The following DNAI7 variants were observed in gnomAD, a reference collection of about 807,000 sequenced individuals.
DNAI7 encodes the protein dynein axonemal intermediate chain 7.
Under a neutral mutation model 86.6 loss-of-function variants are expected in DNAI7, and 78 were observed. That is an observed-to-expected ratio of 0.90 (90% confidence interval 0.75 to 1.09). DNAI7 has a LOEUF of 1.09. Among genes scored for constraint, DNAI7 ranks in the 50% least tolerant of loss-of-function variants. The pLI is 0.00. For synonymous variants in DNAI7, 274 were observed against 273.0 expected, an observed-to-expected ratio of 1.00 and a Z score of -0.04; for missense variants, 753 against 810.2, an observed-to-expected ratio of 0.93 and a Z score of 0.86.
At chr12:25,149,079 G>A (rs964508678) in intron 7 of DNAI7, among the ~76,000 whole-genome samples, 2 of 151,940 alleles carry the variant, frequency 1.3e-5, no homozygotes, top group African/African-American at 4.8e-5. Context: ...CTGACATCCT[G>A]GACTCAAGCG....
Position 25,171,489 on chromosome 12 carries a change from C to T in DNAI7, c.22-10292G>A, listed in dbSNP as rs138996632. 6.2e-3 allele frequency among the ~76,000 whole-genome samples: 940 copies of T among 151,616 alleles called. 10 individuals carry two copies. The highest frequency in any genetic ancestry group is 0.021 in the African/African-American group (879 of 41,336). ...ATTGAAATGGTAATTTAAAAATTAC[C>T]AGAAAAAAAAGTCCAGGACCACACA... is the stretch of plus-strand genomic sequence containing the variant. On this transcript the variant is annotated intron_variant, in intron 2 of 15. Coordinates refer to ENST00000395987, the MANE Select transcript of DNAI7 (RefSeq NM_018272.5).
intron 3 of DNAI7, 163 bp downstream of exon 3, chr12:25,160,949 TA>T: frequency 1.9e-6 from 1 of 538,488 alleles, no homozygotes; most frequent in East Asian, 3.1e-5. Flanking sequence ...GACTGGCATG[TA>T]CTAACATCTT....
chr12:25,169,590 G>A (rs984736061), intron 2 of DNAI7, among the ~76,000 whole-genome samples: 1 of 152,210 alleles, frequency 6.6e-6, no homozygotes, highest in Non-Finnish European at 1.5e-5. Flanking sequence ...GCTCATTCCT[G>A]TAATCCCAGC....
chr12:25,169,999 C>CAA (rs1253280163), intron 2 of DNAI7, among the ~76,000 whole-genome samples: 1 of 152,004 alleles, frequency 6.6e-6, no homozygotes, highest in Non-Finnish European at 1.5e-5. Context: ...AAATGGATAC[C>CAA]AAAAGCGAGC....
chr12:25,120,683 C>T (rs2140452879), intron 11 of DNAI7, among the ~76,000 whole-genome samples: 1 of 152,224 alleles, frequency 6.6e-6, no homozygotes, highest in Non-Finnish European at 1.5e-5. Flanking sequence ...CAAGACAGCG[C>T]CACTGCACTC....
rs10557708 is a variant in DNAI7 at position 25,130,536 on chromosome 12, CAAAATAAAATAAAATAAAAT to C, written c.1003-7270_1003-7251del. ...TGGGCGAAAGAGCGAGACTCCCTCT[CAAAATAAAATAAAATAAAAT>C]AAAATAAAATAAAATAAAATAAAAT... is the stretch of plus-strand genomic sequence containing the variant. On this transcript the variant is annotated intron_variant, in intron 9 of 15. Coordinates refer to ENST00000395987, the MANE Select transcript of DNAI7 (RefSeq NM_018272.5). 1.1e-3 allele frequency among the ~76,000 whole-genome samples: 157 copies of C among 146,608 alleles called. 1 individual carries two copies. The highest frequency in any genetic ancestry group is 2.8e-3 in the African/African-American group (107 of 38,182).
chr12:25,182,476 G>A (rs555107052), intron 2 of DNAI7, among the ~76,000 whole-genome samples: 1 of 152,090 alleles, frequency 6.6e-6, no homozygotes, highest in South Asian at 2.1e-4. Context: ...GTAGGGTGTG[G>A]TAGCACACAC....
chr12:25,134,898 T>C (rs1043760343), intron 9 of DNAI7, among the ~76,000 whole-genome samples: 4 of 152,182 alleles, frequency 2.6e-5, no homozygotes, highest in Non-Finnish European at 5.9e-5. Flanking sequence ...GCAGTCAGTA[T>C]TGTAGTGGAT....
At chr12:25,142,495 TA>T (rs140708153) in intron 9 of DNAI7, among the ~76,000 whole-genome samples, 34 of 144,516 alleles carry the variant, frequency 2.4e-4, no homozygotes, top group African/African-American at 4.8e-4. Flanking sequence ...CCTTTTGAAA[TA>T]AAAAAAAAAC....
intron 9 of DNAI7, among the ~76,000 whole-genome samples, chr12:25,131,904 T>C (rs1222024482): frequency 6.6e-6 from 1 of 152,134 alleles, no homozygotes; most frequent in Non-Finnish European, 1.5e-5. Context: ...GCCCTCAAGA[T>C]CATAATTTAG....
intron 2 of DNAI7, among the ~76,000 whole-genome samples, chr12:25,170,187 T>A (rs762614372): frequency 6.6e-6 from 1 of 151,900 alleles, no homozygotes; most frequent in Non-Finnish European, 1.5e-5. Flanking sequence ...GGTCAGGAGT[T>A]CAAGACCAGC....
chr12:25,161,027 T>C (rs1946784724), intron 3 of DNAI7, 86 bp downstream of exon 3: 1 of 967,050 alleles, frequency 1.0e-6, no homozygotes, highest in Non-Finnish European at 1.6e-6. Context: ...TAAAGAACTT[T>C]GAAAAAATAT....
At position 25,135,112 on chromosome 12, in the gene DNAI7, C is replaced by T. The variant is rs142844736; in HGVS notation, c.1002+9253G>A. Among the ~76,000 whole-genome samples, 362 of 152,260 alleles carry T rather than the reference C, an allele frequency of 2.4e-3. 1 individual carries two copies. The highest frequency in any genetic ancestry group is 4.7e-3 in the Admixed American group (72 of 15,294). ...TCACAGACTCTGAAAGAAGCACTTG[C>T]CACTGCAAACTCCATGAGACAGCCA... On this transcript the variant is annotated intron_variant, in intron 9 of 15. Transcript: ENST00000395987.
At chr12:25,138,396 G>C (rs2140749623) in intron 9 of DNAI7, among the ~76,000 whole-genome samples, 2 of 152,316 alleles carry the variant, frequency 1.3e-5, no homozygotes, top group East Asian at 3.9e-4. Context: ...CCAGGAGGCA[G>C]AGGCTGCAGT....
rs1940794948 is a variant in DNAI7, at chr12:25,119,240, G to A, written c.1301C>T (p.Thr434Ile). 1 of 1,611,868 alleles carries A rather than the reference G, an allele frequency of 6.2e-7. No homozygotes were observed. Among genetic ancestry groups the A allele is most frequent in the Non-Finnish European group, 8.5e-7 (1 of 1,178,156 alleles). ...YPPETTEEFETENAFPPIEVT... is the reference protein window; with the variant it reads ...YPPETTEEFEIENAFPPIEVT... ...CTCTATAGGTGGGAAAGCATTTTCT[G>A]TCTCAAACTCTTCTGTAGTTTCCGG... The change falls in exon 12 of 16, where the codon ACA (threonine) becomes ATA (isoleucine). Residue 434 changes from threonine (T) to isoleucine (I), a missense_variant. Physicochemically the swap from Thr to Ile is moderately conservative, Grantham distance 89. Transcript: ENST00000395987.
At chr12:25,179,882 C>T (rs1036845152) in intron 2 of DNAI7, among the ~76,000 whole-genome samples, 1 of 152,096 alleles carries the variant, frequency 6.6e-6, no homozygotes, top group African/African-American at 2.4e-5. Flanking sequence ...AGAACTGGAA[C>T]ATGAAAAGGG....
Position 25,189,511 on chromosome 12 carries a change from G to A in DNAI7, c.21+1103C>T, listed in dbSNP as rs1236338902. ...ACAAAAATTAGACAGGCATGGTGGC[G>A]CGTGCCTGTAATCCCAGCTAATCAA... On this transcript the variant is annotated intron_variant, in intron 2 of 15. Coordinates refer to ENST00000395987, the MANE Select transcript of DNAI7 (RefSeq NM_018272.5). 3.3e-5 allele frequency among the ~76,000 whole-genome samples: 5 copies of A among 151,988 alleles called. No homozygotes were observed. In the East Asian group the frequency reaches 7.7e-4, roughly 23 times the overall value.
chr12:25,169,462 C>T (rs1444380595), intron 2 of DNAI7, among the ~76,000 whole-genome samples: 1 of 152,174 alleles, frequency 6.6e-6, no homozygotes, highest in African/African-American at 2.4e-5. Context: ...GATTAAAAAG[C>T]TTTATTGCTC....
chr12:25,159,211 G>C (rs1210935413), intron 3 of DNAI7, among the ~76,000 whole-genome samples: 6 of 152,178 alleles, frequency 3.9e-5, no homozygotes, highest in Non-Finnish European at 8.8e-5. Flanking sequence ...TGTAGCTTTA[G>C]ATGTGCTTCC....
Sources: gnomAD v4.1 joint callset for allele counts (sites outside exome capture counted in the v4.1 genomes callset) on GRCh38, gnomAD v4.1.1 for gene constraint, MANE v1.5 for transcripts, NCBI Gene and HGNC (gene_info 2026-07-23, HGNC 2026-07-21) for gene names.